Variants in GAB1 observed in about 807,000 individuals in gnomAD.
The protein encoded by GAB1 is GRB2-associated-binding protein 1.
In GAB1, 19 loss-of-function variants were observed where a neutral mutation model predicts 66.5. That is an observed-to-expected ratio of 0.29 (90% CI 0.20 to 0.42). The LOEUF (loss-of-function observed/expected upper bound fraction) is 0.42. GAB1 is among the 10% of genes least tolerant of loss of function. GAB1 has a pLI of 1.00. For missense variants in GAB1, 732 were observed against 858.5 expected, an observed-to-expected ratio of 0.85 and a Z score of 1.84; for synonymous variants, 294 against 301.4, an observed-to-expected ratio of 0.98 and a Z score of 0.25.
At chr4:143,419,690 A>G (rs1266570070) in intron 2 of GAB1, among the ~76,000 whole-genome samples, 1 of 152,130 alleles carries the variant, frequency 6.6e-6, no homozygotes, top group African/African-American at 2.4e-5. Flanking sequence ...GTCATGAGCT[A>G]TATCTAAATG....
chr4:143,442,141 T>C (rs1193700819), intron 6 of GAB1, among the ~76,000 whole-genome samples: 1 of 152,248 alleles, frequency 6.6e-6, no homozygotes, highest in Non-Finnish European at 1.5e-5. Flanking sequence ...AGCTTTATAA[T>C]TGGTTCATAC....
At chr4:143,422,122 G>A (rs1332257764) in intron 2 of GAB1, among the ~76,000 whole-genome samples, 2 of 152,120 alleles carry the variant, frequency 1.3e-5, no homozygotes, top group South Asian at 2.1e-4. Context: ...GGTGTATTTA[G>A]AGTAAGAAAA....
chr4:143,420,829 A>G (rs1732973341), intron 2 of GAB1, among the ~76,000 whole-genome samples: 1 of 152,132 alleles, frequency 6.6e-6, no homozygotes. Flanking sequence ...ATAAACTAAC[A>G]TGTAAGAATA....
At chr4:143,338,782 T>A (rs1166028453) in intron 1 of GAB1, among the ~76,000 whole-genome samples, 1 of 151,644 alleles carries the variant, frequency 6.6e-6, no homozygotes, top group East Asian at 1.9e-4. Context: ...TATATTTGTT[T>A]TGAGAAGGCC....
At chr4:143,464,353 C>A (rs2149796116) in intron 8 of GAB1, among the ~76,000 whole-genome samples, 1 of 152,162 alleles carries the variant, frequency 6.6e-6, no homozygotes, top group Non-Finnish European at 1.5e-5. Flanking sequence ...CTCAGCCTCC[C>A]AAGTAGCTGG....
At chr4:143,441,816 T>A (rs967508415) in intron 6 of GAB1, among the ~76,000 whole-genome samples, 1 of 152,252 alleles carries the variant, frequency 6.6e-6, no homozygotes, top group Non-Finnish European at 1.5e-5. Flanking sequence ...GCCTCAGTTC[T>A]GCCTCCTAGC....
intron 6 of GAB1, among the ~76,000 whole-genome samples, chr4:143,442,421 GCA>G (rs1734294554): frequency 1.3e-5 from 2 of 152,084 alleles, no homozygotes; most frequent in South Asian, 4.1e-4. Flanking sequence ...GCTCTGTAGA[GCA>G]CAGTTTGAAA....
At chr4:143,452,453 ACCATTAAAAT>A (rs1412727639) in intron 6 of GAB1, among the ~76,000 whole-genome samples, 1 of 152,172 alleles carries the variant, frequency 6.6e-6, no homozygotes, top group Non-Finnish European at 1.5e-5. Flanking sequence ...TCTTTTAAAA[ACCATTAAAAT>A]AAGTTACAGT....
At chr4:143,435,104 A>T (rs956199789) in intron 3 of GAB1, among the ~76,000 whole-genome samples, 1 of 152,186 alleles carries the variant, frequency 6.6e-6, no homozygotes, top group African/African-American at 2.4e-5. Context: ...TTTAATGTGG[A>T]AAATGATTAT....
At chr4:143,451,068 CT>C (rs2149779365) in intron 6 of GAB1, among the ~76,000 whole-genome samples, 1 of 152,218 alleles carries the variant, frequency 6.6e-6, no homozygotes, top group Non-Finnish European at 1.5e-5. Flanking sequence ...TCCAGGACCC[CT>C]GAAGAAGCTC....
At chr4:143,384,268 G>A (rs1730793596) in intron 1 of GAB1, among the ~76,000 whole-genome samples, 1 of 152,168 alleles carries the variant, frequency 6.6e-6, no homozygotes, top group African/African-American at 2.4e-5. Flanking sequence ...CCTTGGTATA[G>A]CAATGACTAG....
intron 2 of GAB1, among the ~76,000 whole-genome samples, chr4:143,417,096 G>A (rs1282396849): frequency 3.3e-5 from 5 of 152,194 alleles, no homozygotes; most frequent in African/African-American, 7.2e-5. Context: ...GGTAGTGAAG[G>A]AAAGCTTCTG....
intron 2 of GAB1, chr4:143,424,731 T>C (rs1733232556): frequency 5.4e-6 from 1 of 186,236 alleles, no homozygotes; most frequent in Admixed American, 5.4e-5. Flanking sequence ...CCGAGGCAGA[T>C]GGATCACTAA....
In GAB1 at chr4:143,433,693, A is replaced by C; in HGVS notation, c.570A>C (p.Gln190His). Reference sequence around the variant, plus strand: ...ACTACCTGTTGCTCATCAACTGTCAAAGCAAGAAGCCCGAACCCACCAGGT... The same window carrying C: ...ACTACCTGTTGCTCATCAACTGTCACAGCAAGAAGCCCGAACCCACCAGGT... ...PQDYLLLINCQSKKPEPTRTH... is the reference protein window; with the variant it reads ...PQDYLLLINCHSKKPEPTRTH... Residue 190 changes from glutamine to histidine, a missense_variant, in exon 3 of 10, where the codon CAA (glutamine) becomes CAC (histidine). Transcript: ENST00000262994. 6.2e-7 allele frequency: 1 copy of C among 1,613,960 alleles called. No individual in the cohort carries two copies. The highest frequency in any genetic ancestry group is 1.3e-5 in the African/African-American group (1 of 75,054).
chr4:143,457,683 A>G (rs774884250), intron 6 of GAB1: 1 of 1,508,834 alleles, frequency 6.6e-7, no homozygotes, highest in Non-Finnish European at 8.9e-7. Flanking sequence ...CAATTAGGTC[A>G]AAGTCCTAAA....
intron 1 of GAB1, among the ~76,000 whole-genome samples, chr4:143,379,182 A>G (rs1372912297): frequency 1.3e-5 from 2 of 152,216 alleles, no homozygotes; most frequent in African/African-American, 4.8e-5. Flanking sequence ...TTCAGCAAAC[A>G]AAGAGGCAAG....
chr4:143,452,024 C>T (rs370894725), intron 6 of GAB1, among the ~76,000 whole-genome samples: 48 of 152,224 alleles, frequency 3.2e-4, no homozygotes, highest in East Asian at 1.2e-3. Context: ...TGTGTGAAAT[C>T]GTGGTGCTAC....
chr4:143,396,266 G>C (rs1731451009), intron 1 of GAB1, among the ~76,000 whole-genome samples: 1 of 152,208 alleles, frequency 6.6e-6, no homozygotes, highest in Non-Finnish European at 1.5e-5. Context: ...TGTAAATGCT[G>C]TTTATTGGTT....
chr4:143,448,775 G>T (rs1411037570), intron 6 of GAB1, among the ~76,000 whole-genome samples: 1 of 151,256 alleles, frequency 6.6e-6, no homozygotes, highest in Admixed American at 6.6e-5. Context: ...AGGGTTTTTT[G>T]TGTCTCTATT....
Sources: gnomAD v4.1 joint callset for allele counts (sites outside exome capture counted in the v4.1 genomes callset) on GRCh38, gnomAD v4.1.1 for gene constraint, MANE v1.5 for transcripts, NCBI Gene and HGNC (gene_info 2026-07-23, HGNC 2026-07-21) for gene names.